Variants in PDE3B observed in about 807,000 individuals in gnomAD.
PDE3B encodes phosphodiesterase 3B.
Under a neutral mutation model 116.8 loss-of-function variants are expected in PDE3B, and 66 were observed. That is an observed-to-expected ratio of 0.56 (90% CI 0.46 to 0.69). The LOEUF is 0.69. PDE3B is among the 30% of genes least tolerant of loss of function. The pLI, the probability that PDE3B is intolerant of heterozygous loss-of-function variation, is 0.00. For synonymous variants in PDE3B, 595 were observed against 533.6 expected, an observed-to-expected ratio of 1.12 and a Z score of -1.59; for missense variants, 1,384 against 1,368.1, an observed-to-expected ratio of 1.01 and a Z score of -0.18.
intron 5 of PDE3B, among the ~76,000 whole-genome samples, chr11:14,815,663 T>C (rs1859301663): frequency 1.3e-5 from 2 of 152,154 alleles, no homozygotes; most frequent in African/African-American, 2.4e-5. Flanking sequence ...CTGTCATCTT[T>C]CTTTTGATAA....
At chr11:14,788,470 C>A (rs146250192) in intron 3 of PDE3B, among the ~76,000 whole-genome samples, 90 of 152,040 alleles carry the variant, frequency 5.9e-4, no homozygotes, top group African/African-American at 1.8e-3. Context: ...GCTGCAGTGT[C>A]TGCTGATAGA....
At chr11:14,788,322 A>T (rs1273278830) in intron 3 of PDE3B, among the ~76,000 whole-genome samples, 2 of 152,004 alleles carry the variant, frequency 1.3e-5, no homozygotes. Flanking sequence ...AAGAAAGATC[A>T]TATGAACCTA....
chr11:14,706,504 T>G (rs1855539308), intron 1 of PDE3B, among the ~76,000 whole-genome samples: 1 of 151,900 alleles, frequency 6.6e-6, no homozygotes, highest in Non-Finnish European at 1.5e-5. Flanking sequence ...GGTAATGTAT[T>G]TAAAGTGCGG....
At chr11:14,791,825 A>G (rs1053610104) in intron 4 of PDE3B, among the ~76,000 whole-genome samples, 4 of 152,050 alleles carry the variant, frequency 2.6e-5, no homozygotes, top group Admixed American at 6.6e-5. Context: ...TGAGTCCTTT[A>G]TATAAAATGG....
At chr11:14,670,082 G>A (rs1475609263) in intron 1 of PDE3B, among the ~76,000 whole-genome samples, 1 of 152,128 alleles carries the variant, frequency 6.6e-6, no homozygotes, top group Non-Finnish European at 1.5e-5. Flanking sequence ...TTATCTGGGT[G>A]ATTTACACAT....
At chr11:14,659,929 C>T (rs1354955310) in intron 1 of PDE3B, among the ~76,000 whole-genome samples, 2 of 152,160 alleles carry the variant, frequency 1.3e-5, no homozygotes, top group African/African-American at 4.8e-5. Context: ...TTAGCAGGCA[C>T]AGCAGAAGCA....
intron 1 of PDE3B, among the ~76,000 whole-genome samples, chr11:14,679,679 C>A (rs1375060467): frequency 6.6e-6 from 1 of 151,748 alleles, no homozygotes; most frequent in Non-Finnish European, 1.5e-5. Context: ...GCTTGTGGTT[C>A]CTGATCCCTA....
In PDE3B at chr11:14,818,313, G is replaced by C. The variant is rs373384475; in HGVS notation, c.1653G>C (p.Leu551Phe). The stretch of plus-strand genomic sequence containing the variant: ...TTCTTAATAAGCCAAGCGTTATCTT[G>C]CAGAGATCTCTGGGCAATGCACCTA... ...ADFLNKPSVI[L>F]QRSLGNAPNT... Residue 551 changes from leucine to phenylalanine, a missense_variant, in exon 6 of 16, where the codon TTG becomes TTC. By Grantham distance (22) the Leu-to-Phe change is conservative (BLOSUM62 0). Transcript: ENST00000282096. The C allele has an allele frequency of 1.7e-5, 27 of 1,613,286 alleles. No individual in the cohort carries two copies. The highest frequency in any genetic ancestry group is 2.0e-5 in the Non-Finnish European group (24 of 1,179,496).
At chr11:14,791,042 C>T (rs1858369018) in intron 4 of PDE3B, among the ~76,000 whole-genome samples, 1 of 152,036 alleles carries the variant, frequency 6.6e-6, no homozygotes, top group Admixed American at 6.6e-5. Context: ...AAGGAACTGA[C>T]TTTTAAATGT....
intron 12 of PDE3B, among the ~76,000 whole-genome samples, chr11:14,846,632 A>G (rs1298144735): frequency 6.6e-6 from 1 of 152,152 alleles, no homozygotes; most frequent in Non-Finnish European, 1.5e-5. Context: ...TCAAAATAAA[A>G]GGATGGAGGA....
At chr11:14,892,132 A>G in the PDE3B span, 1 of 1,611,498 alleles carries the variant, frequency 6.2e-7, no homozygotes, top group Non-Finnish European at 8.5e-7. Flanking sequence ...GCGGACCCCT[A>G]GCGCGAAGAG....
intron 1 of PDE3B, among the ~76,000 whole-genome samples, chr11:14,645,828 A>G (rs933574455): frequency 1.3e-5 from 2 of 152,134 alleles, no homozygotes; most frequent in African/African-American, 4.8e-5. Flanking sequence ...ATCTTTATAT[A>G]GTATTGGAAA....
At chr11:14,808,726 A>T (rs1044634763) in intron 5 of PDE3B, among the ~76,000 whole-genome samples, 7 of 152,212 alleles carry the variant, frequency 4.6e-5, no homozygotes, top group Admixed American at 2.6e-4. Context: ...ATATGCTAAC[A>T]TTAAGGAATC....
rs1848115597 is a variant in PDE3B, at chr11:14,869,913, A to G, written c.*253A>G. ...CCCATGTTGCAGAGCCCTTACTTAA[A>G]TCCTTCACTGGTGTATGAATACTTT... On this transcript the variant is annotated 3_prime_UTR_variant, in exon 16 of 16. Coordinates refer to ENST00000282096, the MANE Select transcript of PDE3B (RefSeq NM_000922.4). 3 of 336,980 alleles carry G rather than the reference A, an allele frequency of 8.9e-6. No homozygotes were observed. Among genetic ancestry groups the G allele is most frequent in the Non-Finnish European group, 1.6e-5 (3 of 186,152 alleles). 20.9% of individuals were successfully genotyped at this position (336,980 alleles called of 1,614,324 possible).
rs749259214 is a variant in PDE3B at position 14,818,345 on chromosome 11, C to T, written c.1685C>T (p.Pro562Leu). 4 of 1,613,398 alleles carry T rather than the reference C, an allele frequency of 2.5e-6. No individual in the cohort carries two copies. The East Asian group carries it at 8.9e-5, about 36-fold the overall frequency. The stretch of plus-strand genomic sequence containing the variant: ...TCTCTGGGCAATGCACCTAATACTC[C>T]AGATTTTTATCAGCAACTTAGAAAT... Reference protein sequence around the residue: ...QRSLGNAPNTPDFYQQLRNSD... With the variant: ...QRSLGNAPNTLDFYQQLRNSD... Residue 562 changes from proline (P) to leucine (L), a missense_variant, in exon 6 of 16, where the codon CCA becomes CTA. Pro to Leu is a moderately conservative substitution (Grantham distance 98). Around this residue, in one of 2 missense-constraint regions of PDE3B, gnomAD observed 956 missense variants for 806.8 expected, o/e 1.18. Coordinates refer to ENST00000282096, the MANE Select transcript of PDE3B (RefSeq NM_000922.4).
intron 1 of PDE3B, among the ~76,000 whole-genome samples, chr11:14,655,741 C>G (rs1565075232): frequency 6.6e-6 from 1 of 152,038 alleles, no homozygotes; most frequent in Non-Finnish European, 1.5e-5. Flanking sequence ...TTATATAAGA[C>G]TTGATTAAGT....
At chr11:14,698,237 T>G (rs1031492873) in intron 1 of PDE3B, among the ~76,000 whole-genome samples, 2 of 152,074 alleles carry the variant, frequency 1.3e-5, no homozygotes, top group Middle Eastern at 3.4e-3. Context: ...AAGAGCTTTT[T>G]TTAAAAAAAC....
intron 3 of PDE3B, among the ~76,000 whole-genome samples, chr11:14,787,237 T>C (rs1235132775): frequency 6.6e-6 from 1 of 151,982 alleles, no homozygotes; most frequent in Non-Finnish European, 1.5e-5. Context: ...CAAAATAGGA[T>C]TTTCTTTAGA....
At chr11:14,746,175 CT>C (rs1856905597) in intron 1 of PDE3B, among the ~76,000 whole-genome samples, 2 of 152,298 alleles carry the variant, frequency 1.3e-5, no homozygotes, top group South Asian at 4.1e-4. Flanking sequence ...GGATGGATCA[CT>C]TAAGGTCAGG....
Sources: gnomAD v4.1 joint callset for allele counts (sites outside exome capture counted in the v4.1 genomes callset) on GRCh38, gnomAD v4.1.1 for gene constraint, gnomAD v4.1.1 regional missense constraint, MANE v1.5 for transcripts, NCBI Gene and HGNC (gene_info 2026-07-23, HGNC 2026-07-21) for gene names.